Variants in C1orf116 observed in about 807,000 individuals in gnomAD.
C1orf116 encodes specifically androgen-regulated gene protein.
A neutral mutation model predicts 14.1 loss-of-function variants in C1orf116; 12 were observed. That is an observed-to-expected ratio of 0.85 (90% CI 0.54 to 1.38). C1orf116 has a LOEUF of 1.38. C1orf116 is among the 40% of genes most tolerant of loss of function. The pLI is 0.00. For synonymous variants in C1orf116, 296 were observed against 299.0 expected, an observed-to-expected ratio of 0.99 and a Z score of 0.10; for missense variants, 797 against 747.0, an observed-to-expected ratio of 1.07 and a Z score of -0.78.
intron 1 of C1orf116, among the ~76,000 whole-genome samples, chr1:207,030,463 C>G (rs1283900870): frequency 6.6e-6 from 1 of 152,176 alleles, no homozygotes; most frequent in Admixed American, 6.5e-5. Flanking sequence ...TACTTCCAGA[C>G]CAGTGTATTG....
At position 207,021,226 on chromosome 1, in the gene C1orf116, G is replaced by C. The variant is rs932489678; in HGVS notation, c.*732C>G. ...GGTGATTGAATTTATCAAGCCTGTG[G>C]AGAAGGACTCTCCCTGGTGGAGGTA... On this transcript the variant is annotated 3_prime_UTR_variant, in exon 4 of 4. Transcript: ENST00000359470. 6.6e-6 allele frequency: 1 copy of C among 152,598 alleles called. No homozygotes were observed. The highest frequency in any genetic ancestry group is 2.4e-5 in the African/African-American group (1 of 41,436). 9.5% of individuals were successfully genotyped at this position (152,598 alleles called of 1,614,324 possible).
rs758689221 is a variant in C1orf116 at position 207,023,184 on chromosome 1, C to G, written c.580G>C (p.Asp194His). 1 of 1,609,284 alleles carries G rather than the reference C, an allele frequency of 6.2e-7. No individual in the cohort carries two copies. Among genetic ancestry groups the G allele is most frequent in the Non-Finnish European group, 8.5e-7 (1 of 1,177,382 alleles). ...TCTGGCGGAGGGATGAGCACCACGTCCAAGTCAAGGGCAGCCTCCTGGGGG... is the reference window on the plus strand; with the variant it reads ...TCTGGCGGAGGGATGAGCACCACGTGCAAGTCAAGGGCAGCCTCCTGGGGG... ...ASPQEAALDL[D>H]VVLIPPPEAF... The change falls in exon 4 of 4, where the codon GAC (aspartate) becomes CAC (histidine). Residue 194 changes from aspartate to histidine, a missense_variant. Asp to His is a moderately conservative substitution (Grantham distance 81). Transcript: ENST00000359470.
rs188584057 is a variant in C1orf116, at chr1:207,019,688, C to T, written c.*2270G>A. ...AAGACCATCCTAAGAGCAAAATATG[C>T]TCCTTGAAGGATGAGGATGTGGAGA... On this transcript the variant is annotated 3_prime_UTR_variant, in exon 4 of 4. Transcript: ENST00000359470. 6.6e-6 allele frequency: 1 copy of T among 152,282 alleles called. No individual in the cohort carries two copies. Among genetic ancestry groups the T allele is most frequent in the Admixed American group, 6.5e-5 (1 of 15,304 alleles). 9.4% of individuals were successfully genotyped at this position (152,282 alleles called of 1,614,324 possible).
chr1:207,022,472 G>C lies in C1orf116; in HGVS notation c.1292C>G (p.Ala431Gly). The C allele has an allele frequency of 6.2e-7, 1 of 1,614,218 alleles. No homozygotes were observed. The highest frequency in any genetic ancestry group is 8.5e-7 in the Non-Finnish European group (1 of 1,180,022). ...TTTGCTAGCTGCAACATTGCCTGGAGCTGGAGACTTCATTGGCAAAGGTCC... is the reference window on the plus strand; with the variant it reads ...TTTGCTAGCTGCAACATTGCCTGGACCTGGAGACTTCATTGGCAAAGGTCC... Reference protein sequence around the residue: ...AQGPLPMKSPAPGNVAASKSM... With the variant: ...AQGPLPMKSPGPGNVAASKSM... The change falls in exon 4 of 4, where the codon GCT becomes GGT. Residue 431 changes from alanine (A) to glycine (G), a missense_variant. Transcript: ENST00000359470.
chr1:207,019,383 T>C lies in C1orf116; in HGVS notation c.*2575A>G, dbSNP rs1681761722. 6.6e-6 allele frequency: 1 copy of C among 152,232 alleles called. No individual in the cohort carries two copies. The highest frequency in any genetic ancestry group is 2.1e-4 in the South Asian group (1 of 4,836). 9.4% of individuals were successfully genotyped at this position (152,232 alleles called of 1,614,324 possible). ...GCAGAGATCTAAGGCCAAGTGGAAGTAGAGCTGTCGCTTTGATTTTGAAAA... is the reference window on the plus strand; with the variant it reads ...GCAGAGATCTAAGGCCAAGTGGAAGCAGAGCTGTCGCTTTGATTTTGAAAA... On this transcript the variant is annotated 3_prime_UTR_variant, in exon 4 of 4. Transcript: ENST00000359470.
rs1558044990 is a variant in C1orf116, at chr1:207,024,964, AG to A, written c.205del (p.Leu69CysfsTer20). 2 of 1,613,858 alleles carry A rather than the reference AG, an allele frequency of 1.2e-6. No homozygotes were observed. The highest frequency in any genetic ancestry group is 2.2e-5 in the South Asian group (2 of 91,078). ...GSLDTEADSG[L>X]STDESEPATT... is the part of the protein sequence containing the mutation. ...GGCTGGCTCAGACTCGTCAGTGGACAGTCCGCTGTCAGCCTCCGTGTCCAGT... is the reference window on the plus strand; with the variant it reads ...GGCTGGCTCAGACTCGTCAGTGGACATCCGCTGTCAGCCTCCGTGTCCAGT... On this transcript the variant is annotated frameshift_variant, in exon 3 of 4. Transcript: ENST00000359470. LOFTEE classifies it high-confidence loss of function.
intron 1 of C1orf116, among the ~76,000 whole-genome samples, chr1:207,032,184 A>T (rs954105902): frequency 2.6e-5 from 4 of 152,226 alleles, no homozygotes; most frequent in African/African-American, 9.6e-5. Flanking sequence ...TACAGTCGCT[A>T]TGGAAAACCA....
chr1:207,020,671 A>T lies in C1orf116; in HGVS notation c.*1287T>A, dbSNP rs78947998. 81 of 152,318 alleles carry T rather than the reference A, an allele frequency of 5.3e-4. No homozygotes were observed. Among genetic ancestry groups the T allele is most frequent in the Admixed American group, 2.0e-3 (31 of 15,296 alleles). The allele number at this position is 152,318 out of a possible 1,614,324, so 9.4% of individuals were successfully genotyped here. On this transcript the variant is annotated 3_prime_UTR_variant, in exon 4 of 4. Transcript: ENST00000359470. ...CCATATAGCTATCTTCCAAAGATAA[A>T]ATTAAAAGCCACAGCAATAACTATT... is the stretch of plus-strand genomic sequence containing the variant.
chr1:207,023,572 T>A, intron 3 of C1orf116, 92 bp from the exon 4 acceptor site: 1 of 1,463,578 alleles, frequency 6.8e-7, no homozygotes, highest in Non-Finnish European at 9.1e-7. Context: ...AATGACTTCC[T>A]GAACTCTGAT....
chr1:207,030,728 G>A (rs545837057), intron 1 of C1orf116, among the ~76,000 whole-genome samples: 1 of 152,302 alleles, frequency 6.6e-6, no homozygotes, highest in Non-Finnish European at 1.5e-5. Context: ...ACCCTGATAA[G>A]AAGACTGAGA....
intron 3 of C1orf116, 115 bp downstream of exon 3, chr1:207,024,772 C>T (rs1486955137): frequency 7.6e-7 from 1 of 1,307,830 alleles, no homozygotes; most frequent in Non-Finnish European, 1.1e-6. Context: ...TGTGGCTACA[C>T]CTTCTTCTGC....
At chr1:207,029,278 G>T (rs1264168890) in intron 1 of C1orf116, among the ~76,000 whole-genome samples, 1 of 152,250 alleles carries the variant, frequency 6.6e-6, no homozygotes, top group African/African-American at 2.4e-5. Flanking sequence ...AGGAGATAAG[G>T]AGGGGACTGG....
Position 207,021,842 on chromosome 1 carries a change from C to A in C1orf116, c.*116G>T, listed in dbSNP as rs1315508975. 2.2e-5 allele frequency: 23 copies of A among 1,067,074 alleles called. No individual in the cohort carries two copies. Among genetic ancestry groups the A allele is most frequent in the Non-Finnish European group, 2.2e-5 (17 of 766,502 alleles). The allele number at this position is 1,067,074 out of a possible 1,614,324, so 66.1% of individuals were successfully genotyped here. ...CTGAATATAAATGTATGCTTGGACT[C>A]AAATCTCTCCCTCCCATTCATCTTG... On this transcript the variant is annotated 3_prime_UTR_variant, in exon 4 of 4. Coordinates refer to ENST00000359470, the MANE Select transcript of C1orf116 (RefSeq NM_023938.6).
rs116137042 is a variant in C1orf116 at position 207,026,113 on chromosome 1, G to A, written c.106-1049C>T. The stretch of plus-strand genomic sequence containing the variant: ...TTCCTAATATTTGGGACACTTCAGA[G>A]TTGTATATTCTTCAGGCCCACTCAG... On this transcript the variant is annotated intron_variant, in intron 2 of 3. Coordinates refer to ENST00000359470, the MANE Select transcript of C1orf116 (RefSeq NM_023938.6). Among the ~76,000 whole-genome samples the A allele has an allele frequency of 7.7e-3, 1,178 of 152,282 alleles. 16 individuals are homozygous for A. The highest frequency in any genetic ancestry group is 0.027 in the African/African-American group (1,113 of 41,540).
chr1:207,028,812 G>T (rs969166923), intron 1 of C1orf116, among the ~76,000 whole-genome samples: 7 of 152,182 alleles, frequency 4.6e-5, no homozygotes, highest in Admixed American at 4.6e-4. Context: ...AATTCTAAAA[G>T]AATTAAGATG....
chr1:207,025,768 AGT>A (rs1439514709), intron 2 of C1orf116, among the ~76,000 whole-genome samples: 4 of 152,222 alleles, frequency 2.6e-5, no homozygotes, highest in Non-Finnish European at 5.9e-5. Context: ...TGTTCAAGTA[AGT>A]GTGCATTTCT....
At position 207,027,551 on chromosome 1, in the gene C1orf116, C is replaced by T; in HGVS notation, c.48G>A (p.Val16=). 6.2e-7 allele frequency: 1 copy of T among 1,613,766 alleles called. No homozygotes were observed. Among genetic ancestry groups the T allele is most frequent in the South Asian group, 1.1e-5 (1 of 91,074 alleles). The stretch of plus-strand genomic sequence containing the variant: ...TGCTGTCACAGCTGCCGACACGGGT[C>T]ACGGGTTCTGAGCCAGTCCCCGCTG... ...LWPAGTGSEP[V]TRVGSCDSMM... Residue 16 remains valine, a synonymous_variant, in exon 2 of 4, where the codon GTG becomes GTA. Coordinates refer to ENST00000359470, the MANE Select transcript of C1orf116 (RefSeq NM_023938.6).
Position 207,020,259 on chromosome 1 carries a change from A to G in C1orf116, c.*1699T>C, listed in dbSNP as rs12049200. On this transcript the variant is annotated 3_prime_UTR_variant, in exon 4 of 4. Coordinates refer to ENST00000359470, the MANE Select transcript of C1orf116 (RefSeq NM_023938.6). The stretch of plus-strand genomic sequence containing the variant: ...AACGTACACAGAAACCGCCACACCC[A>G]CACCTCACATACCATGACAGGGTGG... 6.6e-6 allele frequency: 1 copy of G among 152,216 alleles called. No individual in the cohort carries two copies. Among genetic ancestry groups the G allele is most frequent in the Non-Finnish European group, 1.5e-5 (1 of 68,044 alleles). The allele number at this position is 152,216 out of a possible 1,614,324, so 9.4% of individuals were successfully genotyped here.
intron 1 of C1orf116, among the ~76,000 whole-genome samples, chr1:207,029,874 T>C (rs956899642): frequency 2.0e-5 from 3 of 152,184 alleles, no homozygotes; most frequent in African/African-American, 7.2e-5. Flanking sequence ...GGGCAGTAAA[T>C]ATTTAAAGTG....
Sources: gnomAD v4.1 joint callset for allele counts (sites outside exome capture counted in the v4.1 genomes callset) on GRCh38, gnomAD v4.1.1 for gene constraint, MANE v1.5 for transcripts, NCBI Gene and HGNC (gene_info 2026-07-23, HGNC 2026-07-21) for gene names.